The following PDE4D variants were observed in gnomAD, a reference collection of about 807,000 sequenced individuals.
PDE4D encodes phosphodiesterase 4D.
A neutral mutation model predicts 87.4 loss-of-function variants in PDE4D; 24 were observed. The observed-to-expected ratio is 0.27, with a 90% CI of 0.20 to 0.39. The LOEUF (loss-of-function observed/expected upper bound fraction) is 0.39. PDE4D is among the 10% of genes least tolerant of loss of function. PDE4D has a pLI of 1.00. For synonymous variants in PDE4D, 384 were observed against 383.2 expected (o/e 1.00, Z -0.02); for missense variants, 714 against 1,041.0 (o/e 0.69, Z 4.32).
intron 11 of PDE4D, among the ~76,000 whole-genome samples, chr5:58,986,217 A>C (rs79704116): frequency 0.05 from 7,575 of 152,348 alleles, 267 homozygotes; most frequent in Non-Finnish European, 0.073. Context: ...AATGACTTTA[A>C]ACAGACATCC....
chr5:59,427,329 A>G (rs1426778194), intron 1 of PDE4D, among the ~76,000 whole-genome samples: 1 of 150,516 alleles, frequency 6.6e-6, no homozygotes, highest in Non-Finnish European at 1.5e-5. Context: ...ACACACACAC[A>G]CACACACACG....
At chr5:59,038,826 G>A in intron 6 of PDE4D, 33 bp downstream of exon 6, 2 of 1,445,626 alleles carry the variant, frequency 1.4e-6, no homozygotes, top group Non-Finnish European at 1.8e-6. Context: ...TCAGCAGCCT[G>A]GGGGCACCAG....
chr5:59,309,829 G>C (rs1279876919), intron 1 of PDE4D, among the ~76,000 whole-genome samples: 1 of 152,048 alleles, frequency 6.6e-6, no homozygotes, highest in Non-Finnish European at 1.5e-5. Context: ...CAGACAATAA[G>C]AACCAAAGAC....
At chr5:59,165,983 C>T (rs553138088) in intron 5 of PDE4D, among the ~76,000 whole-genome samples, 1 of 152,294 alleles carries the variant, frequency 6.6e-6, no homozygotes, top group African/African-American at 2.4e-5. Context: ...TGTAAAGATG[C>T]ACTGATTCCT....
At chr5:60,279,699 T>C (rs1469442620) in intron 1 of PDE4D, among the ~76,000 whole-genome samples, 9 of 150,494 alleles carry the variant, frequency 6.0e-5, no homozygotes, top group Non-Finnish European at 1.3e-4. Flanking sequence ...TTTTTTTTTT[T>C]CTTGAGACAG....
At chr5:60,324,996 A>G (rs537481968) in intron 1 of PDE4D, among the ~76,000 whole-genome samples, 1 of 152,324 alleles carries the variant, frequency 6.6e-6, no homozygotes, top group East Asian at 1.9e-4. Flanking sequence ...AGAAGAGGAA[A>G]AAACTAAAAG....
chr5:60,042,835 T>C (rs762787055), intron 2 of PDE4D, among the ~76,000 whole-genome samples: 4 of 152,180 alleles, frequency 2.6e-5, no homozygotes, highest in Non-Finnish European at 4.4e-5. Context: ...TCCATGAAGA[T>C]GGGGAGGAAC....
At chr5:59,980,238 C>T (rs1385701646) in intron 3 of PDE4D, among the ~76,000 whole-genome samples, 1 of 152,088 alleles carries the variant, frequency 6.6e-6, no homozygotes, top group Non-Finnish European at 1.5e-5. Flanking sequence ...GGATGGTCAG[C>T]CAGGGCAGTG....
chr5:60,092,047 T>C (rs1458456998), intron 2 of PDE4D, among the ~76,000 whole-genome samples: 1 of 71,670 alleles, frequency 1.4e-5, no homozygotes, highest in Admixed American at 2.4e-4. Context: ...CGAAACTCCG[T>C]CTCAAAAAAA....
intron 1 of PDE4D, among the ~76,000 whole-genome samples, chr5:59,524,305 T>C (rs1812708832): frequency 6.6e-6 from 1 of 152,202 alleles, no homozygotes; most frequent in Non-Finnish European, 1.5e-5. Flanking sequence ...ATGCTTATAG[T>C]GATACGAACA....
intron 2 of PDE4D, among the ~76,000 whole-genome samples, chr5:60,107,960 G>C (rs1037102464): frequency 6.6e-6 from 1 of 152,184 alleles, no homozygotes; most frequent in East Asian, 1.9e-4. Context: ...AGACAGGGAT[G>C]CCTTCTCTCA....
intron 1 of PDE4D, among the ~76,000 whole-genome samples, chr5:59,869,219 C>T (rs1243409878): frequency 1.3e-5 from 2 of 152,128 alleles, no homozygotes; most frequent in African/African-American, 2.4e-5. Context: ...ACAGGGCCAA[C>T]TGGCAAGATT....
At chr5:59,455,138 C>T (rs540678552) in intron 1 of PDE4D, among the ~76,000 whole-genome samples, 8 of 152,308 alleles carry the variant, frequency 5.3e-5, no homozygotes, top group South Asian at 2.1e-4. Flanking sequence ...GCACAAGTAA[C>T]GGGGAACCAA....
chr5:59,011,502 C>T (rs1177957376), intron 6 of PDE4D, among the ~76,000 whole-genome samples: 1 of 152,110 alleles, frequency 6.6e-6, no homozygotes, highest in Non-Finnish European at 1.5e-5. Flanking sequence ...GATGCATTCA[C>T]AAGTTTCAGT....
At chr5:59,665,024 C>G (rs1052165335) in intron 1 of PDE4D, among the ~76,000 whole-genome samples, 1 of 152,188 alleles carries the variant, frequency 6.6e-6, no homozygotes, top group African/African-American at 2.4e-5. Context: ...ATTATCATGA[C>G]CCTCTGCCCC....
intron 1 of PDE4D, among the ~76,000 whole-genome samples, chr5:59,631,849 G>GGA (rs149729812): frequency 1.2e-4 from 18 of 150,352 alleles, no homozygotes; most frequent in South Asian, 2.1e-4. Flanking sequence ...GCTAGCTGCA[G>GGA]TTTTTTTTTC....
At chr5:60,026,441 A>C (rs1423793863) in intron 2 of PDE4D, among the ~76,000 whole-genome samples, 1 of 152,186 alleles carries the variant, frequency 6.6e-6, no homozygotes, top group African/African-American at 2.4e-5. Flanking sequence ...CAGATCATAA[A>C]ATCTTTAAAG....
chr5:59,902,662 T>A (rs977839198), intron 3 of PDE4D, among the ~76,000 whole-genome samples: 1 of 152,038 alleles, frequency 6.6e-6, no homozygotes, highest in Non-Finnish European at 1.5e-5. Flanking sequence ...AGAAAAACCA[T>A]AAGGGCAATT....
intron 1 of PDE4D, among the ~76,000 whole-genome samples, chr5:59,727,219 TAA>T (rs1214927262): frequency 2.0e-5 from 3 of 152,134 alleles, no homozygotes; most frequent in Admixed American, 2.0e-4. Flanking sequence ...TAAGGCAGAA[TAA>T]AGTGTTTACC....
Sources: gnomAD v4.1 joint callset for allele counts (sites outside exome capture counted in the v4.1 genomes callset) on GRCh38, gnomAD v4.1.1 for gene constraint, MANE v1.5 for transcripts, NCBI Gene and HGNC (gene_info 2026-07-23, HGNC 2026-07-21) for gene names.